CCT5: variants seen among roughly 807,000 people sequenced by gnomAD.
CCT5 encodes chaperonin containing TCP1 subunit 5.
In CCT5, 6 loss-of-function variants were observed where a neutral mutation model predicts 55.0. The observed-to-expected ratio is 0.11, with a 90% CI of 0.06 to 0.22. The LOEUF is 0.22. Among genes scored for constraint, CCT5 ranks in the 10% least tolerant of loss-of-function variants. The pLI is 1.00. For synonymous variants in CCT5, 231 were observed against 243.7 expected, an observed-to-expected ratio of 0.95 and a Z score of 0.49; for missense variants, 560 against 694.6, an observed-to-expected ratio of 0.81 and a Z score of 2.18.
Position 10,258,309 on chromosome 5 carries a change from CCA to C in CCT5, c.723+7_723+8del. On this transcript the variant is annotated splice_region_variant and intron_variant, in intron 5 of 10. Transcript: ENST00000280326. ...GTCACCCACAGATGCCAAAAGTGAG[CCA>C]TTGCATCTCACAGCTTCGCACTGTT... The C allele has an allele frequency of 6.2e-7, 1 of 1,613,978 alleles. No homozygotes were observed. The highest frequency in any genetic ancestry group is 8.5e-7 in the Non-Finnish European group (1 of 1,179,942).
chr5:10,263,307 G>T lies in CCT5; in HGVS notation c.1491G>T (p.Gly497=), dbSNP rs771882069. The T allele has an allele frequency of 1.2e-6, 2 of 1,612,120 alleles. No individual in the cohort carries two copies. The highest frequency in any genetic ancestry group is 2.2e-5 in the East Asian group (1 of 44,780). The change falls in exon 10 of 11, where the codon GGG becomes GGT. Residue 497 remains glycine (G), a synonymous_variant. Transcript: ENST00000280326. ...PALGIDCLHK[G]TNDMKQQHVI... ...TTGGCATCGACTGTTTGCACAAGGG[G>T]ACAAATGGTGAGGAGCTGTCACGCC... is the stretch of plus-strand genomic sequence containing the variant.
chr5:10,259,176 G>A (rs762528795), intron 6 of CCT5, among the ~76,000 whole-genome samples: 1 of 152,186 alleles, frequency 6.6e-6, no homozygotes, highest in Non-Finnish European at 1.5e-5. Context: ...AAACCAGAAT[G>A]CACTCATAGT....
intron 1 of CCT5, among the ~76,000 whole-genome samples, chr5:10,251,296 T>G (rs1476956638): frequency 2.0e-5 from 3 of 152,190 alleles, no homozygotes; most frequent in Admixed American, 6.5e-5. Context: ...TTGAGCAGAA[T>G]TTCAGTAGAG....
intron 6 of CCT5, among the ~76,000 whole-genome samples, chr5:10,259,049 C>T (rs6870823): frequency 0.74 from 112,394 of 152,194 alleles, 43,713 homozygotes; most frequent in East Asian, 0.87. Context: ...TACCTAAAGC[C>T]GTGCTTTCAA....
Position 10,264,709 on chromosome 5 carries a change from T to C in CCT5, c.1552T>C (p.Ser518Pro), listed in dbSNP as rs1264623243. Residue 518 changes from serine to proline, a missense_variant, in exon 11 of 11, where the codon TCT becomes CCT. By Grantham distance (74) the Ser-to-Pro change is moderately conservative (BLOSUM62 -1). Transcript: ENST00000280326. ...ETLIGKKQQISLATQMVRMIL... is the reference protein window; with the variant it reads ...ETLIGKKQQIPLATQMVRMIL... ...CTTGATTGGCAAAAAGCAACAGATA[T>C]CTCTTGCAACACAAATGGTTAGAAT... is the stretch of plus-strand genomic sequence containing the variant. 8 of 1,614,002 alleles carry C rather than the reference T, an allele frequency of 5.0e-6. No homozygotes were observed. The highest frequency in any genetic ancestry group is 1.7e-5 in the Admixed American group (1 of 60,032).
At chr5:10,250,688 G>C in intron 1 of CCT5, 1 of 1,386,088 alleles carries the variant, frequency 7.2e-7, no homozygotes, top group East Asian at 2.8e-5. Flanking sequence ...TCGGAGCTGG[G>C]TGGGGCCGCT....
In CCT5 at chr5:10,254,133, T is replaced by G. The variant is rs1434783332; in HGVS notation, c.106-12T>G. 1.3e-6 allele frequency: 2 copies of G among 1,589,458 alleles called. No homozygotes were observed. The highest frequency in any genetic ancestry group is 2.2e-5 in the East Asian group (1 of 44,768). ...ATGTAACAGTGTTTGCTTTTTCTGT[T>G]TGTTTCATTAGTCTCATATAATGGC... On this transcript the variant is annotated splice_polypyrimidine_tract_variant and intron_variant, in intron 1 of 10. Transcript: ENST00000280326.
In CCT5 at chr5:10,261,669, A is replaced by T; in HGVS notation, c.1103A>T (p.Lys368Met). The T allele has an allele frequency of 6.2e-7, 1 of 1,614,124 alleles. No homozygotes were observed. The highest frequency in any genetic ancestry group is 8.5e-7 in the Non-Finnish European group (1 of 1,179,964). Residue 368 changes from lysine to methionine, a missense_variant, in exon 8 of 11, where the codon AAG becomes ATG. By Grantham distance (95) the Lys-to-Met change is moderately conservative. Coordinates refer to ENST00000280326, the MANE Select transcript of CCT5 (RefSeq NM_012073.5). The part of the protein sequence containing the change: ...LVQEISFGTT[K>M]DKMLVIEQCK... ...CAGGAGATCTCATTTGGGACAACTA[A>T]GGATAAAATGCTGGTCATCGAGCAG...
At chr5:10,250,910 G>T in intron 1 of CCT5, 1 of 1,000,192 alleles carries the variant, frequency 1.0e-6, no homozygotes, top group Non-Finnish European at 1.2e-6. Flanking sequence ...TCACTTAACA[G>T]GGTATTTCAT....
At chr5:10,255,510 G>T in intron 3 of CCT5, among the ~76,000 whole-genome samples, 1 of 151,108 alleles carries the variant, frequency 6.6e-6, no homozygotes. Context: ...TTCTCGGTGC[G>T]CTTGGAGAGC....
chr5:10,260,537 G>A (rs531952278), intron 6 of CCT5, among the ~76,000 whole-genome samples: 108 of 63,948 alleles, frequency 1.7e-3, no homozygotes, highest in African/African-American at 3.1e-3. Flanking sequence ...TAACAATAGG[G>A]TTCAGCAGAA....
rs1445582465 is a variant in CCT5, at chr5:10,254,155, T to C, written c.116T>C (p.Met39Thr). The C allele has an allele frequency of 3.7e-6, 6 of 1,607,124 alleles. No individual in the cohort carries two copies. Among genetic ancestry groups the C allele is most frequent in the Non-Finnish European group, 5.1e-6 (6 of 1,173,856 alleles). The change falls in exon 2 of 11, where the codon ATG (methionine) becomes ACG (threonine). Residue 39 changes from methionine to threonine, a missense_variant. Coordinates refer to ENST00000280326, the MANE Select transcript of CCT5 (RefSeq NM_012073.5). ...MGLEALKSHIMAAKAVANTMR... is the reference protein window; with the variant it reads ...MGLEALKSHITAAKAVANTMR... ...TGTTTGTTTCATTAGTCTCATATAA[T>C]GGCAGCAAAGGCTGTAGCAAATACA...
Position 10,250,463 on chromosome 5 carries a change from T to G in CCT5, c.105+18T>G. On this transcript the variant is annotated intron_variant, in intron 1 of 10. Coordinates refer to ENST00000280326, the MANE Select transcript of CCT5 (RefSeq NM_012073.5). ...CCCTCAAGGTAATGGCACAGGGACC[T>G]GCTCGCGGTGGGCTAAGGGGAGGTG... The G allele has an allele frequency of 6.2e-7, 1 of 1,611,848 alleles. No individual in the cohort carries two copies. The highest frequency in any genetic ancestry group is 1.3e-5 in the African/African-American group (1 of 75,000).
chr5:10,263,028 T>G, intron 9 of CCT5, 106 bp from the exon 10 acceptor site: 1 of 927,476 alleles, frequency 1.1e-6, no homozygotes, highest in Middle Eastern at 2.4e-4. Flanking sequence ...CTTACAATTC[T>G]TTGTGAGCTG....
Position 10,265,389 on chromosome 5 carries a change from C to T in CCT5, c.*606C>T, listed in dbSNP as rs986421663. On this transcript the variant is annotated 3_prime_UTR_variant, in exon 11 of 11. Coordinates refer to ENST00000280326, the MANE Select transcript of CCT5 (RefSeq NM_012073.5). ...CACAGCTCATACACAGAATCAGGAC[C>T]AGCATGTGCAGAGCTGGCCACCAGC... is the stretch of plus-strand genomic sequence containing the variant. 5.8e-5 allele frequency: 9 copies of T among 155,888 alleles called. No homozygotes were observed. In the South Asian group the frequency reaches 1.6e-3, roughly 27 times the overall value. 9.7% of individuals were successfully genotyped at this position (155,888 alleles called of 1,614,324 possible).
chr5:10,254,040 A>G (rs758147072), intron 1 of CCT5, 105 bp from the exon 2 acceptor site: 10 of 791,464 alleles, frequency 1.3e-5, no homozygotes, highest in Non-Finnish European at 2.3e-5. Context: ...AAGCTTCTAG[A>G]CAATAGAAAC....
At position 10,264,871 on chromosome 5, in the gene CCT5, C is replaced by A; in HGVS notation, c.*88C>A. ...ATGCATCTACAGTTATTTATTGTTA[C>A]ATCCTTTTCCAGACACTGTAGATGC... is the stretch of plus-strand genomic sequence containing the variant. On this transcript the variant is annotated 3_prime_UTR_variant, in exon 11 of 11. Coordinates refer to ENST00000280326, the MANE Select transcript of CCT5 (RefSeq NM_012073.5). 6.5e-7 allele frequency: 1 copy of A among 1,539,566 alleles called. No individual in the cohort carries two copies. The highest frequency in any genetic ancestry group is 8.9e-7 in the Non-Finnish European group (1 of 1,117,866).
rs766905267 is a variant in CCT5, at chr5:10,264,702, A to G, written c.1545A>G (p.Gln515=). 6.2e-7 allele frequency: 1 copy of G among 1,613,956 alleles called. No homozygotes were observed. Among genetic ancestry groups the G allele is most frequent in the Non-Finnish European group, 8.5e-7 (1 of 1,179,936 alleles). ...TAGAAACCTTGATTGGCAAAAAGCA[A>G]CAGATATCTCTTGCAACACAAATGG... The part of the protein sequence containing the change: ...HVIETLIGKK[Q]QISLATQMVR... Residue 515 remains glutamine (Q), a synonymous_variant, in exon 11 of 11, where the codon CAA becomes CAG. Transcript: ENST00000280326.
chr5:10,263,112 C>T (rs772779985), intron 9 of CCT5, 22 bp from the exon 10 acceptor site: 2 of 1,612,652 alleles, frequency 1.2e-6, no homozygotes, highest in South Asian at 1.1e-5. Flanking sequence ...AGTGCACTCA[C>T]CATACTTCTG....
Sources: gnomAD v4.1 joint callset for allele counts (sites outside exome capture counted in the v4.1 genomes callset) on GRCh38, gnomAD v4.1.1 for gene constraint, MANE v1.5 for transcripts, NCBI Gene and HGNC (gene_info 2026-07-23, HGNC 2026-07-21) for gene names.